SNAP47: variants seen among roughly 807,000 people sequenced by gnomAD.
SNAP47 encodes synaptosome associated protein 47, also known as synaptosomal-associated protein 47.
A neutral mutation model predicts 31.4 loss-of-function variants in SNAP47; 20 were observed. The observed-to-expected ratio is 0.64, with a 90% CI of 0.45 to 0.93. The LOEUF (loss-of-function observed/expected upper bound fraction) is 0.93, where lower values mean the gene tolerates loss of function less well. Ranked by LOEUF, SNAP47 falls within the 40% of genes least tolerant of loss-of-function variation. The pLI is 0.00. For missense variants in SNAP47, 492 were observed against 528.5 expected, an observed-to-expected ratio of 0.93 and a Z score of 0.68; for synonymous variants, 194 against 213.4, an observed-to-expected ratio of 0.91 and a Z score of 0.79.
At chr1:227,742,013 T>G (rs1245440144) in intron 1 of SNAP47, among the ~76,000 whole-genome samples, 1 of 151,938 alleles carries the variant, frequency 6.6e-6, no homozygotes, top group African/African-American at 2.4e-5. Flanking sequence ...TTTTTTTCTT[T>G]TTTTTCTTTT....
intron 2 of SNAP47, among the ~76,000 whole-genome samples, chr1:227,754,353 G>C (rs1662564491): frequency 6.6e-6 from 1 of 152,216 alleles, no homozygotes; most frequent in Non-Finnish European, 1.5e-5. Context: ...GGTGTTTATA[G>C]GCACAGGATG....
At chr1:227,765,845 C>T (rs1330080373) in intron 3 of SNAP47, among the ~76,000 whole-genome samples, 1 of 152,066 alleles carries the variant, frequency 6.6e-6, no homozygotes. Flanking sequence ...TCTGCTCAGC[C>T]GGGTGCTGTC....
chr1:227,746,196 G>A (rs1395229644), intron 1 of SNAP47: 1 of 152,252 alleles, frequency 6.6e-6, no homozygotes, highest in East Asian at 1.9e-4. Context: ...CCAGCCAGAT[G>A]AGCAGGCGGC....
In SNAP47 at chr1:227,741,345, A is replaced by T. The variant is rs760761243; in HGVS notation, c.-46+5846A>T. 6.6e-6 allele frequency among the ~76,000 whole-genome samples: 1 copy of T among 152,136 alleles called. No individual in the cohort carries two copies. Among genetic ancestry groups the T allele is most frequent in the East Asian group, 1.9e-4 (1 of 5,186 alleles). On this transcript the variant is annotated intron_variant, in intron 1 of 4. Coordinates refer to ENST00000617596, the MANE Select transcript of SNAP47 (RefSeq NM_053052.4). This position sits in a 1 kb window ranked among gnomAD's most constrained non-coding sequence, Gnocchi z 4.2. The stretch of plus-strand genomic sequence containing the variant: ...CCAAGGAGAGTGGACGCAGGCACTC[A>T]TGGAAGTGGGGCTGGAGACCTGGAG...
At chr1:227,744,714 A>G (rs1269672841) in intron 1 of SNAP47, among the ~76,000 whole-genome samples, 1 of 152,132 alleles carries the variant, frequency 6.6e-6, no homozygotes, top group Non-Finnish European at 1.5e-5. Flanking sequence ...GCAGTCATGA[A>G]ACAGGTGGAT....
intron 2 of SNAP47, among the ~76,000 whole-genome samples, chr1:227,753,881 A>G (rs1662531185): frequency 6.6e-6 from 1 of 151,992 alleles, no homozygotes; most frequent in Non-Finnish European, 1.5e-5. Context: ...CTAGGGGTGG[A>G]TGTTTACTGC....
At chr1:227,744,953 C>T (rs1233365872) in intron 1 of SNAP47, among the ~76,000 whole-genome samples, 5 of 152,186 alleles carry the variant, frequency 3.3e-5, no homozygotes, top group African/African-American at 1.2e-4. Flanking sequence ...GAGCCCACAG[C>T]CTTGGGTGGA....
In SNAP47 at chr1:227,766,999, C is replaced by A; in HGVS notation, c.1029C>A (p.Pro343=). The change falls in exon 4 of 5, where the codon CCC becomes CCA. Residue 343 remains proline (P), a synonymous_variant. Coordinates refer to ENST00000617596, the MANE Select transcript of SNAP47 (RefSeq NM_053052.4). The part of the protein sequence containing the change: ...LMGRTLHREP[P]AGDQEGTALH... ...GCCGTACCCTGCACCGTGAGCCACC[C>A]GCAGGAGACCAGGAGGGCACAGCAC... The A allele has an allele frequency of 6.2e-7, 1 of 1,613,972 alleles. No homozygotes were observed. The highest frequency in any genetic ancestry group is 8.5e-7 in the Non-Finnish European group (1 of 1,180,028).
upstream of SNAP47, chr1:227,733,125 C>T (rs1660784917): frequency 2.2e-6 from 3 of 1,371,564 alleles, no homozygotes; most frequent in African/African-American, 2.9e-5. Flanking sequence ...GGGTCCAGCC[C>T]TCTGCAGCCA....
intron 4 of SNAP47, among the ~76,000 whole-genome samples, chr1:227,775,371 C>T (rs139397703): frequency 6.6e-6 from 1 of 152,346 alleles, no homozygotes; most frequent in African/African-American, 2.4e-5. Context: ...AGAAAATTCA[C>T]AGTTCCTCAG....
intron 1 of SNAP47, chr1:227,735,830 G>A (rs1362934392): frequency 1.2e-5 from 8 of 652,990 alleles, no homozygotes; most frequent in Non-Finnish European, 1.5e-5. Context: ...GAGGACGGTG[G>A]CACTTGGAGG....
intron 3 of SNAP47, among the ~76,000 whole-genome samples, chr1:227,766,354 G>A (rs1465933594): frequency 6.6e-6 from 1 of 152,232 alleles, no homozygotes; most frequent in Non-Finnish European, 1.5e-5. Context: ...TGTAAATAAA[G>A]GGCAGGTGGC....
At chr1:227,766,120 T>C (rs747056554) in intron 3 of SNAP47, among the ~76,000 whole-genome samples, 10 of 152,174 alleles carry the variant, frequency 6.6e-5, no homozygotes, top group Non-Finnish European at 1.3e-4. Flanking sequence ...GTACGGGCTC[T>C]GCTGGCTGAG....
intron 4 of SNAP47, chr1:227,775,908 C>T (rs1558217232): frequency 2.3e-6 from 3 of 1,302,658 alleles, no homozygotes; most frequent in African/African-American, 1.5e-5. Flanking sequence ...AGCTTTTCTT[C>T]CAGAACAGCC....
chr1:227,763,670 C>T lies in SNAP47; in HGVS notation c.989-3289C>T, dbSNP rs1056787849. Reference sequence around the variant, plus strand: ...GGATGCCGCTCAGCCCCCACCTGCGCGTGCGTATTGGTTGAGTGGGAGATG... The same window carrying T: ...GGATGCCGCTCAGCCCCCACCTGCGTGTGCGTATTGGTTGAGTGGGAGATG... On this transcript the variant is annotated intron_variant, in intron 3 of 4. Transcript: ENST00000617596. The surrounding 1 kb of genome is among the most constrained non-coding windows in gnomAD (Gnocchi z 4.2). Among the ~76,000 whole-genome samples the T allele has an allele frequency of 1.3e-5, 2 of 152,200 alleles. No individual in the cohort carries two copies. Among genetic ancestry groups the T allele is most frequent in the African/African-American group, 2.4e-5 (1 of 41,454 alleles).
chr1:227,758,208 C>G lies in SNAP47; in HGVS notation c.498-787C>G, dbSNP rs1287498727. On this transcript the variant is annotated intron_variant, in intron 2 of 4. Transcript: ENST00000617596. ...CGAGAAGGAATGGGACCCTGAGAAC[C>G]CCAGTGTAGACGCATGGCTGCAGTC... Among the ~76,000 whole-genome samples the G allele has an allele frequency of 4.6e-5, 7 of 152,270 alleles. No individual in the cohort carries two copies. In the East Asian group the frequency reaches 1.3e-3, roughly 29 times the overall value.
rs1663158603 is a variant in SNAP47, at chr1:227,762,960, T to A, written c.988+3475T>A. On this transcript the variant is annotated intron_variant, in intron 3 of 4. Coordinates refer to ENST00000617596, the MANE Select transcript of SNAP47 (RefSeq NM_053052.4). This position sits in a 1 kb window ranked among gnomAD's most constrained non-coding sequence, Gnocchi z 4.2. ...ACAGTATTTTCTTTTTCTTTTTATT[T>A]ATTTTTTTCTTTTAGAGACAGGGCC... Among the ~76,000 whole-genome samples the A allele has an allele frequency of 6.6e-6, 1 of 152,116 alleles. No homozygotes were observed. Among genetic ancestry groups the A allele is most frequent in the Admixed American group, 6.5e-5 (1 of 15,280 alleles).
chr1:227,747,544 C>T (rs1057235156), intron 1 of SNAP47, 148 bp from the exon 2 acceptor site: 12 of 765,626 alleles, frequency 1.6e-5, no homozygotes, highest in South Asian at 1.3e-4. Context: ...ACATGGGCTT[C>T]GTCATGCAGC....
chr1:227,733,168 TCAGCA>T, upstream of SNAP47: 1 of 1,023,682 alleles, frequency 9.8e-7, no homozygotes, highest in Non-Finnish European at 1.4e-6. Context: ...CAGGGCTTGC[TCAGCA>T]GGGAAGTGGG....
Sources: allele counts gnomAD v4.1 joint callset (sites outside exome capture counted in the v4.1 genomes callset), GRCh38; gene constraint gnomAD v4.1.1; non-coding constraint Gnocchi (gnomAD v3.1); transcripts MANE v1.5; gene names NCBI Gene and HGNC (gene_info 2026-07-23, HGNC 2026-07-21).